The following MGA variants were observed in gnomAD, a reference collection of about 807,000 sequenced individuals.
MGA encodes the protein MAX dimerization protein MGA.
A neutral mutation model predicts 261.1 loss-of-function variants in MGA; 40 were observed. The observed-to-expected ratio is 0.15, with a 90% CI of 0.12 to 0.20. The LOEUF (loss-of-function observed/expected upper bound fraction) is 0.20, where lower values mean the gene tolerates loss of function less well. Ranked by LOEUF, MGA falls within the 10% of genes least tolerant of loss-of-function variation. The pLI is 1.00. For missense variants in MGA, 3,397 were observed against 3,630.5 expected, an observed-to-expected ratio of 0.94 and a Z score of 1.65; for synonymous variants, 1,302 against 1,290.6, an observed-to-expected ratio of 1.01 and a Z score of -0.19.
At chr15:41,756,572 C>G (rs2063159985) in intron 18 of MGA, among the ~76,000 whole-genome samples, 1 of 152,092 alleles carries the variant, frequency 6.6e-6, no homozygotes, top group Non-Finnish European at 1.5e-5. Flanking sequence ...GTGTATGGGA[C>G]TGTCCATTGC....
chr15:41,762,823 T>C (rs2063559521), intron 22 of MGA, among the ~76,000 whole-genome samples: 1 of 152,160 alleles, frequency 6.6e-6, no homozygotes. Flanking sequence ...AAAAGTAGAA[T>C]ATTAACTACA....
intron 2 of MGA, among the ~76,000 whole-genome samples, chr15:41,679,725 T>TG (rs1004777939): frequency 6.6e-6 from 1 of 152,026 alleles, no homozygotes; most frequent in Non-Finnish European, 1.5e-5. Context: ...TGTTGTGTTG[T>TG]GGGGGGGACT....
intron 5 of MGA, among the ~76,000 whole-genome samples, chr15:41,700,020 A>G (rs2059752090): frequency 7.1e-6 from 1 of 141,040 alleles, no homozygotes; most frequent in African/African-American, 2.6e-5. Context: ...GGTTTCCTGT[A>G]CCTATCAACC....
chr15:41,742,355 C>T (rs2062160758), intron 14 of MGA, among the ~76,000 whole-genome samples, 191 bp from the exon 15 acceptor site: 1 of 151,954 alleles, frequency 6.6e-6, no homozygotes, highest in African/African-American at 2.4e-5. Flanking sequence ...CGCCATTGCA[C>T]TCTAGCCTGG....
chr15:41,662,022 G>A (rs2150837729), intron 1 of MGA, among the ~76,000 whole-genome samples: 1 of 152,126 alleles, frequency 6.6e-6, no homozygotes, highest in South Asian at 2.1e-4. Flanking sequence ...GCGGTTTGTG[G>A]GTCATTAATA....
chr15:41,688,797 A>G (rs2059108052), intron 2 of MGA, among the ~76,000 whole-genome samples: 1 of 152,214 alleles, frequency 6.6e-6, no homozygotes, highest in African/African-American at 2.4e-5. Context: ...GGCTGGCTTA[A>G]GCAACAGAAG....
chr15:41,731,085 GC>G (rs1439989518), intron 11 of MGA, among the ~76,000 whole-genome samples: 1 of 152,030 alleles, frequency 6.6e-6, no homozygotes, highest in African/African-American at 2.4e-5. Context: ...ATTCTTAAGG[GC>G]AGCATTAATG....
chr15:41,744,998 C>G (rs532469100), intron 15 of MGA, among the ~76,000 whole-genome samples: 136 of 152,310 alleles, frequency 8.9e-4, no homozygotes, highest in Non-Finnish European at 7.9e-4. Context: ...CCTGCCTCAG[C>G]CTCCCGAGTA....
chr15:41,672,153 C>T (rs992317771), intron 2 of MGA, among the ~76,000 whole-genome samples: 2 of 152,078 alleles, frequency 1.3e-5, no homozygotes, highest in Non-Finnish European at 2.9e-5. Flanking sequence ...AAGGGTCAGA[C>T]GTATGTTTGT....
intron 2 of MGA, among the ~76,000 whole-genome samples, chr15:41,695,468 T>C (rs564394702): frequency 6.6e-6 from 1 of 152,350 alleles, no homozygotes; most frequent in East Asian, 1.9e-4. Flanking sequence ...ATTACAGGCG[T>C]GAGCCATCGC....
Position 41,668,907 on chromosome 15 carries a change from C to A in MGA, c.13C>A (p.Gln5Lys). 6.4e-7 allele frequency: 1 copy of A among 1,564,350 alleles called. No homozygotes were observed. The stretch of plus-strand genomic sequence containing the variant: ...TCCTACTGAAATCATGGAGGAGAAA[C>A]AGCAGATTATATTGGCTAATCAAGA... Residue 5 changes from glutamine (Q) to lysine (K), a missense_variant, in exon 2 of 24, where the codon CAG (glutamine) becomes AAG (lysine). Physicochemically the swap from Gln to Lys is moderately conservative, Grantham distance 53. Coordinates refer to ENST00000219905, the MANE Select transcript of MGA (RefSeq NM_001164273.2).
chr15:41,682,282 T>C (rs1346699565), intron 2 of MGA, among the ~76,000 whole-genome samples: 7 of 152,134 alleles, frequency 4.6e-5, no homozygotes, highest in Non-Finnish European at 8.8e-5. Context: ...CGTACATATA[T>C]GTGCATACAC....
rs562486919 is a variant in MGA, at chr15:41,766,396, G to C, written c.8314G>C (p.Asp2772His). Residue 2772 changes from aspartate to histidine, a missense_variant, in exon 24 of 24, where the codon GAT becomes CAT. By Grantham distance (81) the Asp-to-His change is moderately conservative (BLOSUM62 -1). Around this residue, in one of 9 missense-constraint regions of MGA, gnomAD observed 647 missense variants for 642.4 expected, o/e 1.01. Transcript: ENST00000219905. ...AAGAGGGGAGAGAGTGAAGTCAAAG[G>C]ATTCTTCATTTCATAAATTAAAGAT... 3.7e-6 allele frequency: 6 copies of C among 1,613,874 alleles called. No homozygotes were observed. The highest frequency in any genetic ancestry group is 2.2e-5 in the South Asian group (2 of 91,064).
chr15:41,634,307 G>A (rs961209445), intron 1 of MGA, among the ~76,000 whole-genome samples: 2 of 152,170 alleles, frequency 1.3e-5, no homozygotes, highest in Non-Finnish European at 2.9e-5. Flanking sequence ...CTGAGTGAAT[G>A]AATAAACTGC....
rs2060374181 is a variant in MGA at position 41,711,363 on chromosome 15, G to A, written c.3084+14G>A. On this transcript the variant is annotated intron_variant, in intron 8 of 23. Coordinates refer to ENST00000219905, the MANE Select transcript of MGA (RefSeq NM_001164273.2). ...CTTACAGCTCAAGTAAGTAGCTGCT[G>A]TTTTCTGGAGGTATATTAGTGCTTG... 1.3e-6 allele frequency: 2 copies of A among 1,571,904 alleles called. No homozygotes were observed. Among genetic ancestry groups the A allele is most frequent in the East Asian group, 2.2e-5 (1 of 44,556 alleles).
Position 41,767,550 on chromosome 15 carries a change from G to A in MGA, c.*270G>A. 1 of 436,108 alleles carries A rather than the reference G, an allele frequency of 2.3e-6. No homozygotes were observed. Among genetic ancestry groups the A allele is most frequent in the South Asian group, 4.5e-5 (1 of 22,374 alleles). 27.0% of individuals were successfully genotyped at this position (436,108 alleles called of 1,614,324 possible). A position where few individuals can be genotyped will look rare whatever the true frequency, so the allele number is the denominator to read the frequency against. On this transcript the variant is annotated 3_prime_UTR_variant, in exon 24 of 24. Transcript: ENST00000219905. ...TGTGATCCATTACTGAACATGAGGT[G>A]CCCCTCTTACCCAAGGAATTTATAA...
At chr15:41,638,060 T>G (rs868861331) in intron 1 of MGA, among the ~76,000 whole-genome samples, 242 of 98,960 alleles carry the variant, frequency 2.4e-3, no homozygotes, top group African/African-American at 8.0e-3. Flanking sequence ...TTTTTTTTTT[T>G]GGGACACAGT....
At chr15:41,706,362 C>T (rs2060113254) in intron 5 of MGA, among the ~76,000 whole-genome samples, 1 of 149,890 alleles carries the variant, frequency 6.7e-6, no homozygotes, top group African/African-American at 2.5e-5. Context: ...GTCTTCCCAC[C>T]TCAGCTTTCC....
At position 41,670,099 on chromosome 15, in the gene MGA, C is replaced by T. The variant is rs143361088; in HGVS notation, c.1064+141C>T. ...ATAAAATATACTACAACTGCTTTTA[C>T]ATTCTGTGAAGTGACATCATTTTTC... On this transcript the variant is annotated intron_variant, in intron 2 of 23. Transcript: ENST00000219905. The T allele has an allele frequency of 1.7e-3, 1,190 of 707,536 alleles. 13 individuals carry two copies. In the African/African-American group the frequency reaches 0.019, roughly 11 times the overall value. The allele number at this position is 707,536 out of a possible 1,614,324, so 43.8% of individuals were successfully genotyped here.
Sources: gnomAD v4.1 joint callset for allele counts (sites outside exome capture counted in the v4.1 genomes callset) on GRCh38, gnomAD v4.1.1 for gene constraint, gnomAD v4.1.1 regional missense constraint, MANE v1.5 for transcripts, NCBI Gene and HGNC (gene_info 2026-07-23, HGNC 2026-07-21) for gene names.